Variants in SH3D19 observed in about 807,000 individuals in gnomAD.
SH3D19 encodes the protein SH3 domain-containing protein 19.
In SH3D19, 58 loss-of-function variants were observed where a neutral mutation model predicts 112.1. That is an observed-to-expected ratio of 0.52 (90% confidence interval 0.42 to 0.64). The LOEUF (loss-of-function observed/expected upper bound fraction) is 0.64, where lower values mean the gene tolerates loss of function less well. Among genes scored for constraint, SH3D19 ranks in the 30% least tolerant of loss-of-function variants. The pLI, the probability that SH3D19 is intolerant of heterozygous loss-of-function variation, is 0.00. For synonymous variants in SH3D19, 391 were observed against 448.5 expected, an observed-to-expected ratio of 0.87 and a Z score of 1.62; for missense variants, 1,090 against 1,263.4, an observed-to-expected ratio of 0.86 and a Z score of 2.08.
intron 9 of SH3D19, among the ~76,000 whole-genome samples, chr4:151,150,322 C>CATATAT (rs368581545): frequency 1.6e-4 from 20 of 123,748 alleles, no homozygotes; most frequent in African/African-American, 5.7e-4. Context: ...TATATATATA[C>CATATAT]ATATATATAT....
intron 1 of SH3D19, among the ~76,000 whole-genome samples, chr4:151,247,539 G>T (rs1433921500): frequency 6.6e-6 from 1 of 152,138 alleles, no homozygotes; most frequent in Non-Finnish European, 1.5e-5. Context: ...AAATTTACCT[G>T]CTTGAAATGT....
At chr4:151,264,991 C>A (rs891795984) in intron 1 of SH3D19, among the ~76,000 whole-genome samples, 6 of 151,880 alleles carry the variant, frequency 4.0e-5, no homozygotes, top group African/African-American at 1.5e-4. Context: ...GAATATTCCT[C>A]ATTCTAATTG....
At chr4:151,285,533 A>G (rs1197595243) in intron 1 of SH3D19, among the ~76,000 whole-genome samples, 4 of 152,222 alleles carry the variant, frequency 2.6e-5, no homozygotes, top group Admixed American at 6.5e-5. Context: ...TGAAGAAACA[A>G]CATATCAAAT....
At chr4:151,288,665 C>G (rs1200047953) in intron 1 of SH3D19, among the ~76,000 whole-genome samples, 1 of 151,302 alleles carries the variant, frequency 6.6e-6, no homozygotes, top group Non-Finnish European at 1.5e-5. Context: ...CGAAGCGAGA[C>G]TCTGTCTTAA....
At chr4:151,234,033 T>G (rs1481170441) in intron 1 of SH3D19, among the ~76,000 whole-genome samples, 1 of 152,234 alleles carries the variant, frequency 6.6e-6, no homozygotes, top group Non-Finnish European at 1.5e-5. Context: ...CAAAATGATG[T>G]GTCTTAAGAA....
chr4:151,250,106 T>A (rs907181403), intron 1 of SH3D19, among the ~76,000 whole-genome samples: 1 of 152,176 alleles, frequency 6.6e-6, no homozygotes, highest in Non-Finnish European at 1.5e-5. Context: ...GAGGTCAAAT[T>A]TTTAAATGCA....
intron 10 of SH3D19, among the ~76,000 whole-genome samples, chr4:151,148,970 G>A (rs925742587): frequency 3.3e-5 from 5 of 152,080 alleles, no homozygotes; most frequent in South Asian, 2.1e-4. Context: ...CCCGGGAGGC[G>A]GAGGTTGCAG....
At chr4:151,237,112 G>A (rs748967051) in intron 1 of SH3D19, among the ~76,000 whole-genome samples, 20 of 152,034 alleles carry the variant, frequency 1.3e-4, no homozygotes, top group Non-Finnish European at 2.8e-4. Context: ...CATGCACCGC[G>A]AAAGTCTGCA....
At chr4:151,139,106 T>C (rs1752482339) in intron 13 of SH3D19, among the ~76,000 whole-genome samples, 1 of 152,056 alleles carries the variant, frequency 6.6e-6, no homozygotes, top group African/African-American at 2.4e-5. Flanking sequence ...ATTACAGGTG[T>C]AAGCCACTGT....
intron 8 of SH3D19, among the ~76,000 whole-genome samples, chr4:151,161,631 TATA>T (rs1370113506): frequency 8.4e-5 from 12 of 142,554 alleles, no homozygotes; most frequent in African/African-American, 2.4e-4. Flanking sequence ...TATATATATA[TATA>T]TATATATTTT....
intron 1 of SH3D19, among the ~76,000 whole-genome samples, chr4:151,318,300 C>CAAAAAAAAAAAAAAAAAAA (rs752720803): frequency 2.4e-4 from 13 of 54,296 alleles, no homozygotes; most frequent in East Asian, 5.4e-4. Context: ...GACTCTGACT[C>CAAAAAAAAAAAAAAAAAAA]AAAAAAAAAA....
chr4:151,144,343 T>C (rs957526462), intron 11 of SH3D19: 1 of 1,513,840 alleles, frequency 6.6e-7, no homozygotes, highest in South Asian at 1.1e-5. Flanking sequence ...TCCTCTTAAG[T>C]TGCTGATCAT....
At chr4:151,225,197 C>G (rs1250264902) in intron 2 of SH3D19, among the ~76,000 whole-genome samples, 2 of 152,180 alleles carry the variant, frequency 1.3e-5, no homozygotes, top group South Asian at 4.2e-4. Flanking sequence ...TTTGGCTTAC[C>G]AGAGCAGTCA....
Position 151,175,213 on chromosome 4 carries a change from C to G in SH3D19, c.991G>C (p.Gly331Arg). 6.2e-7 allele frequency: 1 copy of G among 1,614,176 alleles called. No homozygotes were observed. The highest frequency in any genetic ancestry group is 8.5e-7 in the Non-Finnish European group (1 of 1,180,032). The change falls in exon 7 of 20, where the codon GGG becomes CGG. Residue 331 changes from glycine to arginine, a missense_variant. By Grantham distance (125) the Gly-to-Arg change is moderately radical. Coordinates refer to ENST00000604030, the MANE Select transcript of SH3D19 (RefSeq NM_001378122.1). ...SLPPKPTVSS[G>R]KPSVAPKPAA... Reference sequence around the variant, plus strand: ...GGTTTGGGAGCTACAGAAGGTTTCCCTGAGGAAACAGTAGGCTTTGGAGGA... The same window carrying G: ...GGTTTGGGAGCTACAGAAGGTTTCCGTGAGGAAACAGTAGGCTTTGGAGGA...
chr4:151,298,634 G>A (rs573016107), intron 1 of SH3D19, among the ~76,000 whole-genome samples: 1 of 116,396 alleles, frequency 8.6e-6, no homozygotes, highest in South Asian at 2.4e-4. Flanking sequence ...CAGGACTAGA[G>A]AAATAAAAGC....
chr4:151,310,665 G>A (rs942755628), intron 1 of SH3D19, among the ~76,000 whole-genome samples: 17 of 151,134 alleles, frequency 1.1e-4, no homozygotes, highest in East Asian at 2.0e-4. Context: ...TCCACCTCCC[G>A]GGTTCAAGTG....
At chr4:151,300,947 GAAGTT>G (rs761377219) in intron 1 of SH3D19, among the ~76,000 whole-genome samples, 2 of 152,230 alleles carry the variant, frequency 1.3e-5, no homozygotes, top group African/African-American at 4.8e-5. Context: ...GGTGAGGGAA[GAAGTT>G]AAGTACTTCA....
intron 17 of SH3D19, among the ~76,000 whole-genome samples, chr4:151,129,819 C>G (rs184155202): frequency 3.9e-5 from 6 of 152,328 alleles, no homozygotes; most frequent in Admixed American, 3.3e-4. Context: ...CAATGCATGT[C>G]TAACATTTAG....
intron 1 of SH3D19, among the ~76,000 whole-genome samples, chr4:151,275,726 G>A (rs1040826262): frequency 7.2e-5 from 11 of 151,892 alleles, no homozygotes; most frequent in Non-Finnish European, 1.5e-4. Context: ...TCACTGTATT[G>A]CCCAGGCTGA....
Sources: allele counts gnomAD v4.1 joint callset (sites outside exome capture counted in the v4.1 genomes callset), GRCh38; gene constraint gnomAD v4.1.1; transcripts MANE v1.5; gene names NCBI Gene and HGNC (gene_info 2026-07-23, HGNC 2026-07-21).